IQCK: variants seen among roughly 807,000 people sequenced by gnomAD.
IQCK encodes the protein IQ motif containing K, also known as IQ domain-containing protein K.
Under a neutral mutation model 28.1 loss-of-function variants are expected in IQCK, and 29 were observed. The ratio of observed to expected loss-of-function variants is 1.03; its 90% confidence interval spans 0.77 to 1.41. IQCK has a LOEUF of 1.41. Ranked by LOEUF, IQCK falls within the 40% of genes most tolerant of loss-of-function variation. The probability of loss-of-function intolerance (pLI) is 0.00; values close to 1 mark genes in which losing one functional copy is unlikely to be tolerated. For missense variants in IQCK, 359 were observed against 314.7 expected, an observed-to-expected ratio of 1.14 and a Z score of -1.07; for synonymous variants, 113 against 115.1, an observed-to-expected ratio of 0.98 and a Z score of 0.12.
chr16:19,838,579 A>G (rs1323851023), intron 9 of IQCK, among the ~76,000 whole-genome samples: 1 of 152,202 alleles, frequency 6.6e-6, no homozygotes, highest in Non-Finnish European at 1.5e-5. Context: ...CCTACAGGAC[A>G]GCATTGCCTA....
downstream of IQCK, among the ~76,000 whole-genome samples, chr16:19,830,586 C>A (rs2056219068): frequency 6.6e-6 from 1 of 152,142 alleles, no homozygotes; most frequent in African/African-American, 2.4e-5. Flanking sequence ...GTGAAATGGC[C>A]TTTGGGCAAA....
At chr16:19,833,585 C>T (rs2056259496) in intron 9 of IQCK, among the ~76,000 whole-genome samples, 1 of 152,116 alleles carries the variant, frequency 6.6e-6, no homozygotes, top group African/African-American at 2.4e-5. Context: ...TACTGAACAC[C>T]ATTTTATTCC....
At chr16:19,809,351 G>A (rs930960447) in intron 7 of IQCK, among the ~76,000 whole-genome samples, 1 of 152,156 alleles carries the variant, frequency 6.6e-6, no homozygotes, top group East Asian at 1.9e-4. Context: ...ACCTAGACTC[G>A]ATCATGTAGC....
At chr16:19,774,720 A>G (rs772498169) in intron 6 of IQCK, among the ~76,000 whole-genome samples, 5 of 152,212 alleles carry the variant, frequency 3.3e-5, no homozygotes, top group Non-Finnish European at 5.9e-5. Context: ...AGGTATATTC[A>G]TAAGTGGCCT....
intron 4 of IQCK, among the ~76,000 whole-genome samples, chr16:19,750,087 T>G (rs937051899): frequency 2.0e-5 from 3 of 152,140 alleles, no homozygotes; most frequent in Non-Finnish European, 2.9e-5. Context: ...CTCTGTAAAA[T>G]GTAAATAACA....
chr16:19,724,444 G>C (rs1456976160), intron 1 of IQCK, among the ~76,000 whole-genome samples: 2 of 152,096 alleles, frequency 1.3e-5, no homozygotes, highest in East Asian at 3.9e-4. Flanking sequence ...ATGTTCGTCT[G>C]ATTCACTCCC....
intron 4 of IQCK, chr16:19,761,242 A>G (rs1469205571): frequency 2.8e-6 from 1 of 356,248 alleles, no homozygotes; most frequent in Non-Finnish European, 5.6e-6. Context: ...CAATAAGGTT[A>G]CATTCCGAAG....
intron 6 of IQCK, among the ~76,000 whole-genome samples, chr16:19,768,837 A>G (rs2055279352): frequency 6.6e-6 from 1 of 152,236 alleles, no homozygotes; most frequent in African/African-American, 2.4e-5. Context: ...ATTACTGTGT[A>G]ACAAATTGCC....
chr16:19,850,115 G>A (rs1221440673), intron 9 of IQCK, among the ~76,000 whole-genome samples: 1 of 152,092 alleles, frequency 6.6e-6, no homozygotes, highest in East Asian at 1.9e-4. Flanking sequence ...CCTGACTTTT[G>A]GGCATTTAGG....
At chr16:19,726,500 A>G (rs1276769817) in intron 1 of IQCK, among the ~76,000 whole-genome samples, 1 of 152,182 alleles carries the variant, frequency 6.6e-6, no homozygotes, top group African/African-American at 2.4e-5. Context: ...CTGTGGATCA[A>G]TGATTTATAT....
At chr16:19,751,656 C>T (rs2054988282) in intron 4 of IQCK, among the ~76,000 whole-genome samples, 2 of 151,764 alleles carry the variant, frequency 1.3e-5, no homozygotes, top group African/African-American at 4.8e-5. Context: ...TGTCATCAAG[C>T]CTCTGCCAGT....
At chr16:19,735,824 A>T (rs920372081) in intron 4 of IQCK, 5 of 333,288 alleles carry the variant, frequency 1.5e-5, no homozygotes, top group African/African-American at 1.1e-4. Flanking sequence ...GCACTTTGGG[A>T]AGCTGAGGTG....
chr16:19,732,405 G>A (rs921447841), intron 2 of IQCK, among the ~76,000 whole-genome samples: 9 of 152,170 alleles, frequency 5.9e-5, no homozygotes, highest in Admixed American at 2.6e-4. Context: ...TCCACTGGCC[G>A]ACTTTTCTTC....
intron 6 of IQCK, among the ~76,000 whole-genome samples, chr16:19,767,878 T>A (rs577643646): frequency 1.3e-3 from 205 of 151,922 alleles, no homozygotes; most frequent in South Asian, 2.7e-3. Context: ...AGACTCCATC[T>A]CAATAAATAA....
exon 6 of IQCK, chr16:19,764,056 G>A (rs536711023): frequency 6.2e-7 from 1 of 1,614,038 alleles, no homozygotes; most frequent in Non-Finnish European, 8.5e-7. Flanking sequence ...AGAGGGCAGG[G>A]GAGCCATTCA....
intron 3 of IQCK, among the ~76,000 whole-genome samples, chr16:19,735,009 T>C (rs934813612): frequency 1.6e-4 from 25 of 152,110 alleles, no homozygotes; most frequent in African/African-American, 4.8e-4. Context: ...ATACTCTGAC[T>C]CCCAATTCCT....
At chr16:19,732,789 T>C (rs1977882497) in intron 2 of IQCK, among the ~76,000 whole-genome samples, 1 of 152,176 alleles carries the variant, frequency 6.6e-6, no homozygotes, top group Non-Finnish European at 1.5e-5. Context: ...GCTACCATCA[T>C]GGTGCCCTAA....
chr16:19,835,437 G>T (rs1223154787), intron 9 of IQCK, among the ~76,000 whole-genome samples: 1 of 152,018 alleles, frequency 6.6e-6, no homozygotes, highest in African/African-American at 2.4e-5. Flanking sequence ...ATTTTTAGTG[G>T]CTCCATAAAA....
At chr16:19,725,071 A>G (rs543199055) in intron 1 of IQCK, among the ~76,000 whole-genome samples, 2 of 152,206 alleles carry the variant, frequency 1.3e-5, no homozygotes, top group East Asian at 3.9e-4. Context: ...AACAACTTTC[A>G]CTTGTTCATA....
Sources: gnomAD v4.1 joint callset for allele counts (sites outside exome capture counted in the v4.1 genomes callset) on GRCh38, gnomAD v4.1.1 for gene constraint, MANE v1.5 for transcripts, NCBI Gene and HGNC (gene_info 2026-07-23, HGNC 2026-07-21) for gene names.